RBPMS: variants seen among roughly 807,000 people sequenced by gnomAD.
RBPMS encodes the protein RNA binding protein, mRNA processing factor, also known as RNA-binding protein with multiple splicing.
In RBPMS, 7 loss-of-function variants were observed where a neutral mutation model predicts 26.8. The observed-to-expected ratio is 0.26, with a 90% CI of 0.15 to 0.49. The LOEUF (loss-of-function observed/expected upper bound fraction) is 0.49. Among genes scored for constraint, RBPMS ranks in the 20% least tolerant of loss-of-function variants. The pLI, the probability that RBPMS is intolerant of heterozygous loss-of-function variation, is 0.98. For synonymous variants in RBPMS, 96 were observed against 93.3 expected (o/e 1.03, Z -0.17); for missense variants, 186 against 250.0 (o/e 0.74, Z 1.73).
At chr8:30,538,634 A>G (rs1563425660) in intron 5 of RBPMS, among the ~76,000 whole-genome samples, 3 of 152,204 alleles carry the variant, frequency 2.0e-5, no homozygotes, top group Admixed American at 1.3e-4. Flanking sequence ...TGGGTTTGAC[A>G]TTCTATGGGA....
At chr8:30,508,087 G>C (rs1335050158) in intron 5 of RBPMS, among the ~76,000 whole-genome samples, 1 of 152,048 alleles carries the variant, frequency 6.6e-6, no homozygotes, top group Admixed American at 6.6e-5. Context: ...GTTCAAATGG[G>C]GCCCTTAGGG....
chr8:30,505,177 C>T (rs1457035919), intron 5 of RBPMS, among the ~76,000 whole-genome samples: 1 of 152,130 alleles, frequency 6.6e-6, no homozygotes, highest in Non-Finnish European at 1.5e-5. Flanking sequence ...TGAGACAGGC[C>T]TTAACTTCTC....
At chr8:30,421,356 A>G (rs768716293) in intron 1 of RBPMS, among the ~76,000 whole-genome samples, 1 of 152,222 alleles carries the variant, frequency 6.6e-6, no homozygotes, top group Non-Finnish European at 1.5e-5. Context: ...AGTTCTGGAC[A>G]GGCAAATGTG....
At chr8:30,445,872 C>T (rs10954993) in intron 1 of RBPMS, among the ~76,000 whole-genome samples, 121,187 of 151,494 alleles carry the variant, frequency 0.8, 48,875 homozygotes, top group African/African-American at 0.91. Flanking sequence ...CCATGTTGCC[C>T]CAGGCTGTTC....
intron 1 of RBPMS, among the ~76,000 whole-genome samples, chr8:30,408,957 C>G (rs186417693): frequency 6.6e-6 from 1 of 152,242 alleles, no homozygotes; most frequent in East Asian, 1.9e-4. Flanking sequence ...GATACAAGAT[C>G]GGTCTTTTGG....
intron 5 of RBPMS, among the ~76,000 whole-genome samples, chr8:30,509,693 C>G (rs964304016): frequency 7.9e-5 from 12 of 152,226 alleles, no homozygotes; most frequent in African/African-American, 2.9e-4. Context: ...TTCACGCCTG[C>G]TCTCCAGCGG....
At chr8:30,496,519 G>T (rs1819979120) in intron 4 of RBPMS, among the ~76,000 whole-genome samples, 1 of 152,120 alleles carries the variant, frequency 6.6e-6, no homozygotes. Context: ...AGGGCAATGA[G>T]GAGTACTAAC....
At chr8:30,414,080 A>G (rs1334139378) in intron 1 of RBPMS, among the ~76,000 whole-genome samples, 1 of 152,068 alleles carries the variant, frequency 6.6e-6, no homozygotes, top group Non-Finnish European at 1.5e-5. Flanking sequence ...CCTTAGAAAT[A>G]TTTATTTTTG....
intron 1 of RBPMS, among the ~76,000 whole-genome samples, chr8:30,471,457 A>G (rs1817096536): frequency 6.6e-6 from 1 of 152,194 alleles, no homozygotes; most frequent in African/African-American, 2.4e-5. Context: ...TCTAATTCAT[A>G]TTTATCACAT....
intron 5 of RBPMS, among the ~76,000 whole-genome samples, chr8:30,525,621 T>C (rs947247739): frequency 2.0e-5 from 3 of 152,272 alleles, no homozygotes; most frequent in South Asian, 2.1e-4. Flanking sequence ...TTTTGCAGTT[T>C]CTGCAAGGAA....
At chr8:30,554,227 A>G (rs1002888308) in intron 6 of RBPMS, among the ~76,000 whole-genome samples, 6 of 152,232 alleles carry the variant, frequency 3.9e-5, no homozygotes, top group Non-Finnish European at 7.3e-5. Context: ...TCAGAGCACT[A>G]GCCGGTTTGG....
chr8:30,561,228 G>A (rs1308598303), intron 7 of RBPMS, among the ~76,000 whole-genome samples: 1 of 152,102 alleles, frequency 6.6e-6, no homozygotes, highest in Non-Finnish European at 1.5e-5. Flanking sequence ...ATATAGTCTA[G>A]GGTCTATGAA....
At chr8:30,424,679 AGATAT>A (rs776934800) in intron 1 of RBPMS, among the ~76,000 whole-genome samples, 20 of 152,304 alleles carry the variant, frequency 1.3e-4, no homozygotes, top group South Asian at 1.2e-3. Flanking sequence ...GGATTAAAGG[AGATAT>A]GATATGTAAA....
chr8:30,542,032 G>A (rs576233244), intron 5 of RBPMS, among the ~76,000 whole-genome samples: 19 of 152,294 alleles, frequency 1.2e-4, no homozygotes, highest in Non-Finnish European at 2.6e-4. Flanking sequence ...GATGTTTATG[G>A]TAATTCCACA....
chr8:30,442,965 T>C (rs1360664087), intron 1 of RBPMS, among the ~76,000 whole-genome samples: 1 of 152,232 alleles, frequency 6.6e-6, no homozygotes, highest in Non-Finnish European at 1.5e-5. Context: ...TTTTATTTAC[T>C]TATCATAGCT....
chr8:30,527,215 C>T (rs561898550), intron 5 of RBPMS, among the ~76,000 whole-genome samples: 4 of 152,188 alleles, frequency 2.6e-5, no homozygotes, highest in African/African-American at 7.2e-5. Flanking sequence ...CCCTCAGACA[C>T]GCTACTCATT....
At chr8:30,392,053 TGA>T (rs1386688390) in intron 1 of RBPMS, among the ~76,000 whole-genome samples, 1 of 151,964 alleles carries the variant, frequency 6.6e-6, no homozygotes, top group Admixed American at 6.6e-5. Context: ...TGCCAAGATC[TGA>T]GAGAGGCAGT....
At chr8:30,561,997 C>T (rs1343147137) in intron 7 of RBPMS, 31 of 985,196 alleles carry the variant, frequency 3.1e-5, no homozygotes, top group East Asian at 2.3e-4. Context: ...TTTGGAAGTA[C>T]GGCTAATAGA....
intron 5 of RBPMS, among the ~76,000 whole-genome samples, chr8:30,525,678 C>T (rs896916073): frequency 2.0e-5 from 3 of 152,202 alleles, no homozygotes; most frequent in Admixed American, 6.5e-5. Context: ...CGTTTTAGGT[C>T]AGGAGATTGG....
Sources: gnomAD v4.1 joint callset for allele counts (sites outside exome capture counted in the v4.1 genomes callset) on GRCh38, gnomAD v4.1.1 for gene constraint, MANE v1.5 for transcripts, NCBI Gene and HGNC (gene_info 2026-07-23, HGNC 2026-07-21) for gene names.